The following LEKR1 variants were observed in gnomAD, a reference collection of about 807,000 sequenced individuals.
The protein encoded by LEKR1 is leucine, glutamate and lysine rich 1, also known as protein LEKR1.
LEKR1 carries 59 observed loss-of-function variants against 72.4 expected under a neutral mutation model. That is an observed-to-expected ratio of 0.82 (90% CI 0.66 to 1.01). LEKR1 has a LOEUF of 1.01. Ranked by LOEUF, LEKR1 falls within the 50% of genes least tolerant of loss-of-function variation. The pLI is 0.00. For missense variants in LEKR1, 728 were observed against 759.2 expected (o/e 0.96, Z 0.48); for synonymous variants, 257 against 263.2 (o/e 0.98, Z 0.23).
At position 157,045,475 on chromosome 3, in the gene LEKR1, C is replaced by T. The variant is rs1198409382; in HGVS notation, c.1804C>T (p.Leu602Phe). 1.2e-6 allele frequency: 2 copies of T among 1,614,044 alleles called. No individual in the cohort carries two copies. Among genetic ancestry groups the T allele is most frequent in the East Asian group, 2.2e-5 (1 of 44,894 alleles). ...AAGTTTACCATTCTCACCGTGTTCCCTCAGCAAGGGCAGCCTAACCTCCCC... is the reference window on the plus strand; with the variant it reads ...AAGTTTACCATTCTCACCGTGTTCCTTCAGCAAGGGCAGCCTAACCTCCCC... Reference protein sequence around the residue: ...RGSLPFSPCSLSKGSLTSPAA... With the variant: ...RGSLPFSPCSFSKGSLTSPAA... Residue 602 changes from leucine to phenylalanine, a missense_variant, in exon 13 of 13, where the codon CTC (leucine) becomes TTC (phenylalanine). Transcript: ENST00000356539.
intron 6 of LEKR1, among the ~76,000 whole-genome samples, chr3:156,968,688 C>T (rs1728860640): frequency 6.6e-6 from 1 of 152,084 alleles, no homozygotes; most frequent in South Asian, 2.1e-4. Flanking sequence ...TTTTAACACC[C>T]CACTGTCAAC....
At chr3:156,837,179 T>C (rs1368520661) in intron 2 of LEKR1, among the ~76,000 whole-genome samples, 1 of 152,232 alleles carries the variant, frequency 6.6e-6, no homozygotes. Flanking sequence ...CAAGAGGTAT[T>C]CTTAGAGAGG....
chr3:156,907,904 T>TTA (rs1186315445), intron 3 of LEKR1, among the ~76,000 whole-genome samples: 1 of 152,136 alleles, frequency 6.6e-6, no homozygotes, highest in Admixed American at 6.5e-5. Flanking sequence ...CATATCTTCT[T>TTA]ATTAGACTTC....
chr3:157,033,265 G>A (rs918387679), intron 12 of LEKR1, among the ~76,000 whole-genome samples: 10 of 152,180 alleles, frequency 6.6e-5, no homozygotes, highest in African/African-American at 2.2e-4. Flanking sequence ...ATTAAGCTTA[G>A]CAAGGAAAGC....
rs574853329 is a variant in LEKR1 at position 157,027,798 on chromosome 3, G to C, written c.1369-305G>C. On this transcript the variant is annotated intron_variant, in intron 11 of 12. Coordinates refer to ENST00000356539, the MANE Select transcript of LEKR1 (RefSeq NM_001004316.3). ...CACTGCACCACTGTGCTCCAGCCTT[G>C]GCAACAGAGCAAGACCCTGTCTCAA... Among the ~76,000 whole-genome samples the C allele has an allele frequency of 7.2e-5, 11 of 152,216 alleles. No homozygotes were observed. In the East Asian group the frequency reaches 1.9e-3, roughly 27 times the overall value.
At chr3:157,025,333 A>G (rs1356128413) in intron 11 of LEKR1, among the ~76,000 whole-genome samples, 1 of 152,156 alleles carries the variant, frequency 6.6e-6, no homozygotes, top group Non-Finnish European at 1.5e-5. Context: ...AACATTTCTG[A>G]ATGAAGAGAA....
intron 11 of LEKR1, among the ~76,000 whole-genome samples, chr3:157,027,660 A>C (rs767964755): frequency 6.6e-6 from 1 of 152,066 alleles, no homozygotes; most frequent in Non-Finnish European, 1.5e-5. Flanking sequence ...TACAAAAAAT[A>C]AAAAATTAGC....
intron 6 of LEKR1, among the ~76,000 whole-genome samples, chr3:156,959,614 T>C (rs1219654643): frequency 1.3e-5 from 2 of 152,178 alleles, no homozygotes; most frequent in African/African-American, 4.8e-5. Flanking sequence ...CCCTGAATAT[T>C]GCAATCCCTT....
At chr3:156,871,224 G>A (rs969700721) in intron 3 of LEKR1, among the ~76,000 whole-genome samples, 5 of 151,278 alleles carry the variant, frequency 3.3e-5, no homozygotes, top group African/African-American at 9.7e-5. Context: ...TTTTGTTCTT[G>A]CGATAGTTTA....
At chr3:156,977,456 G>T (rs962530833) in intron 6 of LEKR1, 7 of 481,112 alleles carry the variant, frequency 1.5e-5, no homozygotes, top group Admixed American at 1.2e-4. Context: ...TGAACTCAGT[G>T]CCCACCCCTT....
At chr3:156,936,426 AACACACACAC>A (rs561039357) in intron 5 of LEKR1, among the ~76,000 whole-genome samples, 15 of 76,896 alleles carry the variant, frequency 2.0e-4, no homozygotes, top group African/African-American at 1.3e-3. Context: ...GTACAATGAG[AACACACACAC>A]ACACACACAC....
At chr3:157,017,968 A>G (rs1270302859) in intron 10 of LEKR1, among the ~76,000 whole-genome samples, 4 of 118,920 alleles carry the variant, frequency 3.4e-5, no homozygotes, top group Admixed American at 8.7e-5. Context: ...AAAAAAAAAA[A>G]AAAAGAAAGC....
intron 3 of LEKR1, among the ~76,000 whole-genome samples, chr3:156,892,229 C>T (rs1720739233): frequency 1.3e-5 from 2 of 151,964 alleles, no homozygotes; most frequent in South Asian, 4.2e-4. Flanking sequence ...GAATAGACGC[C>T]ACCAGACTAA....
chr3:156,934,986 A>C (rs1215681232), intron 5 of LEKR1, among the ~76,000 whole-genome samples: 1 of 152,190 alleles, frequency 6.6e-6, no homozygotes, highest in Non-Finnish European at 1.5e-5. Context: ...ACATCTTTAT[A>C]CATGCATCTT....
chr3:156,839,348 C>T (rs1713588134), intron 2 of LEKR1, among the ~76,000 whole-genome samples: 1 of 152,180 alleles, frequency 6.6e-6, no homozygotes. Context: ...GAAGAGAACC[C>T]TGACAGAACA....
intron 5 of LEKR1, among the ~76,000 whole-genome samples, chr3:156,938,758 A>G (rs1725944376): frequency 2.0e-5 from 3 of 152,194 alleles, no homozygotes; most frequent in Non-Finnish European, 4.4e-5. Flanking sequence ...TTATTGTAAT[A>G]AAACTGTGAA....
chr3:156,830,266 G>A (rs1712205741), intron 2 of LEKR1, among the ~76,000 whole-genome samples: 1 of 152,102 alleles, frequency 6.6e-6, no homozygotes, highest in Admixed American at 6.6e-5. Context: ...TTCCCTTCAG[G>A]AAAAAGTGAT....
chr3:156,840,533 A>G (rs1483781081), intron 2 of LEKR1, among the ~76,000 whole-genome samples: 2 of 152,342 alleles, frequency 1.3e-5, no homozygotes, highest in East Asian at 3.9e-4. Context: ...CAGTAAATCT[A>G]GTTAACTCTT....
At chr3:156,862,954 TAGG>T (rs1249693371) in intron 3 of LEKR1, among the ~76,000 whole-genome samples, 1 of 152,000 alleles carries the variant, frequency 6.6e-6, no homozygotes, top group Non-Finnish European at 1.5e-5. Flanking sequence ...ATTATCAACA[TAGG>T]AGGGAAAAGG....
Sources: gnomAD v4.1 joint callset for allele counts (sites outside exome capture counted in the v4.1 genomes callset) on GRCh38, gnomAD v4.1.1 for gene constraint, MANE v1.5 for transcripts, NCBI Gene and HGNC (gene_info 2026-07-23, HGNC 2026-07-21) for gene names.